Variants in UNC79 observed in about 807,000 individuals in gnomAD.
The protein encoded by UNC79 is unc-79 subunit of NALCN channel complex, also known as protein unc-79 homolog.
A neutral mutation model predicts 283.1 loss-of-function variants in UNC79; 37 were observed. That is an observed-to-expected ratio of 0.13 (90% CI 0.10 to 0.17). The LOEUF (loss-of-function observed/expected upper bound fraction) is 0.17. Ranked by LOEUF, UNC79 falls within the 10% of genes least tolerant of loss-of-function variation. UNC79 has a pLI of 1.00. For missense variants in UNC79, 2,272 were observed against 3,211.1 expected (o/e 0.71, Z 7.07); for synonymous variants, 1,107 against 1,200.2 (o/e 0.92, Z 1.61).
intron 35 of UNC79, among the ~76,000 whole-genome samples, chr14:93,652,717 T>C (rs975584812): frequency 6.6e-6 from 1 of 152,264 alleles, no homozygotes; most frequent in Non-Finnish European, 1.5e-5. Context: ...GAATAAACTC[T>C]ACTTGGTCAT....
intron 1 of UNC79, among the ~76,000 whole-genome samples, chr14:93,449,014 T>C (rs1294630412): frequency 2.0e-5 from 3 of 152,346 alleles, no homozygotes; most frequent in East Asian, 3.9e-4. Context: ...AGAGTTCTGT[T>C]CTGAAGACCC....
intron 48 of UNC79, among the ~76,000 whole-genome samples, chr14:93,705,448 T>C (rs762300672): frequency 2.6e-5 from 4 of 151,940 alleles, no homozygotes; most frequent in Non-Finnish European, 4.4e-5. Context: ...AAATGGATTT[T>C]CTATCATGAG....
intron 1 of UNC79, among the ~76,000 whole-genome samples, chr14:93,407,544 A>C (rs1033351424): frequency 1.3e-5 from 2 of 152,152 alleles, no homozygotes; most frequent in African/African-American, 4.8e-5. Flanking sequence ...GGAGAGGAAA[A>C]TACATCTGTT....
rs528005013 is a variant in UNC79 at position 93,652,051 on chromosome 14, C to T, written c.6084-1691C>T. Among the ~76,000 whole-genome samples the T allele has an allele frequency of 5.6e-3, 843 of 151,096 alleles. 6 individuals carry two copies. The highest frequency in any genetic ancestry group is 0.018 in the African/African-American group (752 of 41,122). On this transcript the variant is annotated intron_variant, in intron 35 of 48. Coordinates refer to ENST00000555664, the Ensembl canonical transcript of UNC79. Reference sequence around the variant, plus strand: ...TGCTGGGATTACAGGCGTGAGCCACCGCACCCCGCCTTTTGTTTCTTTTTA... The same window carrying T: ...TGCTGGGATTACAGGCGTGAGCCACTGCACCCCGCCTTTTGTTTCTTTTTA...
intron 14 of UNC79, among the ~76,000 whole-genome samples, chr14:93,548,636 G>C (rs2061722122): frequency 6.6e-6 from 1 of 152,116 alleles, no homozygotes; most frequent in African/African-American, 2.4e-5. Flanking sequence ...GACCACACAA[G>C]ATAAAATTCT....
chr14:93,412,946 G>C (rs985478128), intron 1 of UNC79, among the ~76,000 whole-genome samples: 13 of 151,964 alleles, frequency 8.6e-5, no homozygotes, highest in Non-Finnish European at 1.9e-4. Context: ...ATCGTCTTAA[G>C]GTATAAAACT....
intron 26 of UNC79, among the ~76,000 whole-genome samples, chr14:93,609,301 A>AAT (rs779991216): frequency 4.6e-5 from 7 of 152,236 alleles, no homozygotes; most frequent in Non-Finnish European, 1.0e-4. Context: ...GAGATCCACG[A>AAT]GTAGCCCAGC....
At chr14:93,436,607 G>A (rs899859919) in intron 1 of UNC79, among the ~76,000 whole-genome samples, 4 of 151,838 alleles carry the variant, frequency 2.6e-5, no homozygotes, top group African/African-American at 7.3e-5. Context: ...TTTAAGTTGG[G>A]ATTCTTGTTT....
chr14:93,532,779 C>T (rs1329526740), intron 11 of UNC79, among the ~76,000 whole-genome samples: 1 of 152,156 alleles, frequency 6.6e-6, no homozygotes, highest in Non-Finnish European at 1.5e-5. Context: ...CTTTTGCTCA[C>T]CCATCTTATG....
chr14:93,400,096 A>G (rs902907629), intron 1 of UNC79, among the ~76,000 whole-genome samples: 1 of 152,160 alleles, frequency 6.6e-6, no homozygotes, highest in African/African-American at 2.4e-5. Flanking sequence ...TCCTCTTCCT[A>G]TGACCAACTG....
intron 47 of UNC79, among the ~76,000 whole-genome samples, chr14:93,698,325 G>A (rs1566942364): frequency 6.6e-6 from 1 of 152,016 alleles, no homozygotes; most frequent in Admixed American, 6.5e-5. Flanking sequence ...AAGGGGTATT[G>A]AAATATCTCT....
chr14:93,646,560 C>A, intron 34 of UNC79, 48 bp from the exon 38 acceptor site: 1 of 1,586,670 alleles, frequency 6.3e-7, no homozygotes, highest in East Asian at 2.2e-5. Flanking sequence ...TGCATTTCAT[C>A]ATGGAAACCT....
At chr14:93,333,291 G>C in exon 1 of UNC79, 1 of 367,326 alleles carries the variant, frequency 2.7e-6, no homozygotes, top group Non-Finnish European at 4.8e-6. Flanking sequence ...ATCCTGCTTA[G>C]TCCAGCGAAT....
chr14:93,396,777 A>ATGTGTGTGTGTGTGTGTGTGTGTGTG (rs34727419), intron 1 of UNC79, among the ~76,000 whole-genome samples: 1 of 144,376 alleles, frequency 6.9e-6, no homozygotes, highest in Non-Finnish European at 1.5e-5. Flanking sequence ...ATGTGTGTGT[A>ATGTGTGTGTGTGTGTGTGTGTGTGTG]TGTGTGTGTG....
exon 30 of UNC79, chr14:93,622,566 T>G (rs1158267358): frequency 6.2e-7 from 1 of 1,613,998 alleles, no homozygotes; most frequent in Non-Finnish European, 8.5e-7. Flanking sequence ...GGGGAGCTGA[T>G]GCCAAGTTCA....
chr14:93,440,527 A>AT lies in UNC79; in HGVS notation c.22+9491dup, dbSNP rs760187081. On this transcript the variant is annotated intron_variant, in intron 1 of 48. Coordinates refer to ENST00000555664, the Ensembl canonical transcript of UNC79. ...CTCTAGCTTTTTGAGTTGGCTGTTA[A>AT]TTTTTTTTTTTTTTTAAATTTTTAT... Among the ~76,000 whole-genome samples, 838 of 132,494 alleles carry AT rather than the reference A, an allele frequency of 6.3e-3. 1 individual carries two copies. The highest frequency in any genetic ancestry group is 0.019 in the African/African-American group (682 of 36,418). The allele number at this position is 132,494 out of a possible 152,430, so 86.9% of individuals were successfully genotyped here.
intron 35 of UNC79, among the ~76,000 whole-genome samples, chr14:93,651,899 T>G (rs1363004932): frequency 6.9e-6 from 1 of 145,920 alleles, no homozygotes; most frequent in Non-Finnish European, 1.5e-5. Flanking sequence ...CCACCATACC[T>G]GGCTAATTTT....
At chr14:93,629,167 C>G (rs1350399921) in intron 30 of UNC79, among the ~76,000 whole-genome samples, 1 of 152,152 alleles carries the variant, frequency 6.6e-6, no homozygotes. Context: ...CCACTGCACT[C>G]CAGACTGGGC....
chr14:93,595,048 C>A (rs916125778), intron 23 of UNC79, among the ~76,000 whole-genome samples: 1 of 151,004 alleles, frequency 6.6e-6, no homozygotes, highest in African/African-American at 2.4e-5. Flanking sequence ...TGAATCTCGG[C>A]TCTGGTTATG....
Sources: allele counts gnomAD v4.1 joint callset (sites outside exome capture counted in the v4.1 genomes callset), GRCh38; gene constraint gnomAD v4.1.1; transcripts MANE v1.5; gene names NCBI Gene and HGNC (gene_info 2026-07-23, HGNC 2026-07-21).